MKRN2OS: variants seen among roughly 807,000 people sequenced by gnomAD.
MKRN2OS encodes the protein MKRN2 opposite strand, also known as MKRN2 opposite strand protein.
In MKRN2OS, 17 loss-of-function variants were observed where a neutral mutation model predicts 18.2. The observed-to-expected ratio is 0.93, with a 90% CI of 0.64 to 1.40. The LOEUF (loss-of-function observed/expected upper bound fraction) is 1.40. MKRN2OS is among the 40% of genes most tolerant of loss of function. MKRN2OS has a pLI of 0.00. For synonymous variants in MKRN2OS, 121 were observed against 108.5 expected, an observed-to-expected ratio of 1.12 and a Z score of -0.72; for missense variants, 337 against 283.0, an observed-to-expected ratio of 1.19 and a Z score of -1.37.
chr3:12,554,543 GA>G (rs2057952461), intron 1 of MKRN2OS, among the ~76,000 whole-genome samples: 1 of 151,502 alleles, frequency 6.6e-6, no homozygotes, highest in South Asian at 2.1e-4. Flanking sequence ...CAGACCTCAG[GA>G]GATCCTGAGA....
chr3:12,540,506 T>A, intron 3 of MKRN2OS, 73 bp from the exon 4 acceptor site: 1 of 1,523,292 alleles, frequency 6.6e-7, no homozygotes, highest in Non-Finnish European at 8.8e-7. Context: ...TGAAGGCCTT[T>A]CCTAACTGAA....
At chr3:12,557,203 G>C (rs1414787555) in intron 1 of MKRN2OS, 7 of 1,532,060 alleles carry the variant, frequency 4.6e-6, no homozygotes, top group Non-Finnish European at 5.3e-6. Context: ...CAGGAGCTTC[G>C]GGCCGCTCCC....
intron 1 of MKRN2OS, among the ~76,000 whole-genome samples, chr3:12,555,545 T>A (rs2057962001): frequency 6.6e-6 from 1 of 152,104 alleles, no homozygotes; most frequent in Non-Finnish European, 1.5e-5. Context: ...CAGCTATACA[T>A]ACATAACATG....
At chr3:12,554,150 G>A (rs950115193) in intron 1 of MKRN2OS, 3 of 152,182 alleles carry the variant, frequency 2.0e-5, no homozygotes, top group Non-Finnish European at 2.9e-5. Context: ...GGGCGAGAAC[G>A]GGAGCTGGTG....
intron 1 of MKRN2OS, among the ~76,000 whole-genome samples, chr3:12,545,032 CCACAT>C (rs2057866579): frequency 7.5e-6 from 1 of 132,676 alleles, no homozygotes; most frequent in Non-Finnish European, 1.7e-5. Flanking sequence ...TTCATATATT[CCACAT>C]ATATTCTTGC....
downstream of MKRN2OS, among the ~76,000 whole-genome samples, chr3:12,550,521 T>C (rs1268643248): frequency 6.6e-6 from 1 of 152,212 alleles, no homozygotes; most frequent in Admixed American, 6.5e-5. Context: ...AGAGTAAGCC[T>C]GGGCAAAATA....
chr3:12,546,344 C>T (rs902419255), upstream of MKRN2OS, among the ~76,000 whole-genome samples: 2 of 151,766 alleles, frequency 1.3e-5, no homozygotes, highest in Non-Finnish European at 2.9e-5. Context: ...ATAAGGATAG[C>T]GGTTACAGGA....
rs773339862 is a variant in MKRN2OS at position 12,545,229 on chromosome 3, C to G, written c.218+18G>C. 4 of 1,501,362 alleles carry G rather than the reference C, an allele frequency of 2.7e-6. No homozygotes were observed. The South Asian group carries it at 4.9e-5, about 19-fold the overall frequency. The allele number at this position is 1,501,362 out of a possible 1,614,324, so 93.0% of individuals were successfully genotyped here. ...AAAGTTTGCACAATGCAATTTAACA[C>G]TGTAAAAAACACTGTACCTAAGAAA... On this transcript the variant is annotated intron_variant, in intron 1 of 3. Coordinates refer to ENST00000564146, the MANE Select transcript of MKRN2OS (RefSeq NM_001195279.2).
chr3:12,560,722 A>G (rs2058030172), intron 1 of MKRN2OS: 1 of 152,168 alleles, frequency 6.6e-6, no homozygotes, highest in Admixed American at 6.5e-5. Context: ...ACCCAGGGTA[A>G]CACCCCTTTG....
At chr3:12,555,223 A>G in intron 1 of MKRN2OS, among the ~76,000 whole-genome samples, 1 of 151,152 alleles carries the variant, frequency 6.6e-6, no homozygotes, top group East Asian at 1.9e-4. Context: ...GAGACAGGAG[A>G]ATCGCTTGAA....
chr3:12,541,974 C>A lies in MKRN2OS; in HGVS notation c.317G>T (p.Gly106Val). 6.5e-7 allele frequency: 1 copy of A among 1,536,088 alleles called. No individual in the cohort carries two copies. Among genetic ancestry groups the A allele is most frequent in the Non-Finnish European group, 8.7e-7 (1 of 1,146,894 alleles). Residue 106 changes from glycine to valine, a missense_variant, in exon 3 of 4, where the codon GGG (glycine) becomes GTG (valine). Gly to Val is a moderately radical substitution (Grantham distance 109). Transcript: ENST00000564146. ...SAHGVQRDGE[G>V]WEESISIPLL... ...TGGGATGCTTATGCTCTCTTCCCAC[C>A]CTTCTCCGTCTCGCTGGACACCATG...
upstream of MKRN2OS, among the ~76,000 whole-genome samples, chr3:12,545,934 G>A (rs1040091939): frequency 3.3e-5 from 5 of 152,186 alleles, no homozygotes; most frequent in Admixed American, 2.0e-4. Context: ...GCCTCCCGGA[G>A]TAGCTGGGAC....
At chr3:12,557,429 G>C (rs990841818) in intron 1 of MKRN2OS, among the ~76,000 whole-genome samples, 12 of 152,260 alleles carry the variant, frequency 7.9e-5, no homozygotes, top group Non-Finnish European at 1.5e-4. Context: ...GGCCCCTGTG[G>C]GCTGGGAGGA....
upstream of MKRN2OS, among the ~76,000 whole-genome samples, chr3:12,548,318 G>T (rs2057901499): frequency 6.6e-6 from 1 of 152,116 alleles, no homozygotes; most frequent in Non-Finnish European, 1.5e-5. Flanking sequence ...CACGGTGGCG[G>T]GTGTCTGCAG....
At chr3:12,544,312 C>T (rs1483393962) in intron 1 of MKRN2OS, among the ~76,000 whole-genome samples, 1 of 152,154 alleles carries the variant, frequency 6.6e-6, no homozygotes, top group African/African-American at 2.4e-5. Flanking sequence ...TTCTATGACC[C>T]ATGCTCACCT....
chr3:12,547,236 G>A (rs2057893570), upstream of MKRN2OS, among the ~76,000 whole-genome samples: 1 of 152,160 alleles, frequency 6.6e-6, no homozygotes, highest in African/African-American at 2.4e-5. Context: ...TTAATGGTAT[G>A]TTAGATTCTT....
intron 1 of MKRN2OS, among the ~76,000 whole-genome samples, chr3:12,544,783 A>G (rs984130749): frequency 2.0e-5 from 3 of 152,200 alleles, no homozygotes; most frequent in African/African-American, 7.2e-5. Context: ...TCTTAAAGCC[A>G]GGTGGTGTCT....
chr3:12,540,488 C>G, intron 3 of MKRN2OS, 55 bp from the exon 4 acceptor site: 1 of 1,532,776 alleles, frequency 6.5e-7, no homozygotes, highest in Non-Finnish European at 8.7e-7. Flanking sequence ...AACAGGCTGT[C>G]AAGCTACTGA....
At chr3:12,557,230 C>T in intron 1 of MKRN2OS, 2 of 1,516,236 alleles carry the variant, frequency 1.3e-6, no homozygotes, top group Non-Finnish European at 8.8e-7. Context: ...CGCAGGGGGG[C>T]CGGTGCGCGC....
Sources: allele counts gnomAD v4.1 joint callset (sites outside exome capture counted in the v4.1 genomes callset), GRCh38; gene constraint gnomAD v4.1.1; transcripts MANE v1.5; gene names NCBI Gene and HGNC (gene_info 2026-07-23, HGNC 2026-07-21).